The following GFRA1 variants were observed in gnomAD, a reference collection of about 807,000 sequenced individuals.
GFRA1 encodes the protein GDNF family receptor alpha-1.
A neutral mutation model predicts 51.6 loss-of-function variants in GFRA1; 16 were observed. The ratio of observed to expected loss-of-function variants is 0.31; its 90% CI spans 0.21 to 0.47. The LOEUF (loss-of-function observed/expected upper bound fraction) is 0.47, where lower values mean the gene tolerates loss of function less well. GFRA1 is among the 20% of genes least tolerant of loss of function. The pLI, the probability that GFRA1 is intolerant of heterozygous loss-of-function variation, is 1.00. For synonymous variants in GFRA1, 270 were observed against 241.3 expected (o/e 1.12, Z -1.10); for missense variants, 530 against 594.3 (o/e 0.89, Z 1.13).
At chr10:116,180,389 T>C (rs192306987) in intron 5 of GFRA1, among the ~76,000 whole-genome samples, 79 of 152,306 alleles carry the variant, frequency 5.2e-4, no homozygotes, top group Non-Finnish European at 6.2e-4. Context: ...CTGACACATA[T>C]TCCAAGAAAG....
chr10:116,109,206 G>C (rs1957106552), intron 6 of GFRA1, among the ~76,000 whole-genome samples: 1 of 152,180 alleles, frequency 6.6e-6, no homozygotes, highest in South Asian at 2.1e-4. Flanking sequence ...GCCAGAGTCA[G>C]AGCCAGGTTT....
Position 116,246,635 on chromosome 10 carries a change from G to A in GFRA1, c.418+22868C>T, listed in dbSNP as rs1282081157. On this transcript the variant is annotated intron_variant, in intron 4 of 10. Coordinates refer to ENST00000355422, the MANE Select transcript of GFRA1 (RefSeq NM_005264.8). ...TTAAAAGATATGCGTCAGCAAAAAGGACACTCAACACGGAGGCATAAGCAA... is the reference window on the plus strand; with the variant it reads ...TTAAAAGATATGCGTCAGCAAAAAGAACACTCAACACGGAGGCATAAGCAA... Among the ~76,000 whole-genome samples the A allele has an allele frequency of 2.6e-5, 4 of 152,260 alleles. 1 individual carries two copies. In the South Asian group the frequency reaches 8.3e-4, roughly 32 times the overall value.
At chr10:116,239,565 A>T (rs1308610451) in intron 4 of GFRA1, among the ~76,000 whole-genome samples, 1 of 152,244 alleles carries the variant, frequency 6.6e-6, no homozygotes, top group Non-Finnish European at 1.5e-5. Context: ...AAAGCCAGAT[A>T]AAATGGAAGA....
intron 8 of GFRA1, 42 bp downstream of exon 8, chr10:116,093,660 A>T: frequency 6.3e-7 from 1 of 1,590,620 alleles, no homozygotes. Context: ...TCGGAGAAGA[A>T]AATGCGTTTG....
At position 116,061,208 on chromosome 10, in the gene GFRA1, A is replaced by G. The variant is rs566089950; in HGVS notation, c.*3190T>C. ...CGGTGTTTGAGGAACTCGAAGACAC[A>G]ACTTCTAAGACATTCTTACTACAGC... On this transcript the variant is annotated 3_prime_UTR_variant, in exon 11 of 11. Transcript: ENST00000355422. The G allele has an allele frequency of 2.0e-5, 3 of 151,310 alleles. No homozygotes were observed. In the East Asian group the frequency reaches 6.0e-4, roughly 30 times the overall value. The allele number at this position is 151,310 out of a possible 1,614,324, so 9.4% of individuals were successfully genotyped here. A position where few individuals can be genotyped will look rare whatever the true frequency, so the allele number is the denominator to read the frequency against.
intron 5 of GFRA1, among the ~76,000 whole-genome samples, chr10:116,184,173 G>A (rs1962492442): frequency 6.6e-6 from 1 of 152,250 alleles, no homozygotes; most frequent in South Asian, 2.1e-4. Context: ...TCCCTACACT[G>A]TAAAGACTGA....
intron 5 of GFRA1, among the ~76,000 whole-genome samples, chr10:116,125,962 C>G (rs1288680485): frequency 6.6e-6 from 1 of 152,192 alleles, no homozygotes; most frequent in Non-Finnish European, 1.5e-5. Context: ...AATTGCCATA[C>G]AATCCTCCAA....
At chr10:116,217,546 G>A (rs980364911) in intron 4 of GFRA1, among the ~76,000 whole-genome samples, 2 of 152,206 alleles carry the variant, frequency 1.3e-5, no homozygotes, top group African/African-American at 4.8e-5. Flanking sequence ...ATGCCTAGGA[G>A]GACAGTCAAA....
At chr10:116,165,040 T>C (rs1044085271) in intron 5 of GFRA1, among the ~76,000 whole-genome samples, 4 of 152,224 alleles carry the variant, frequency 2.6e-5, no homozygotes, top group African/African-American at 9.6e-5. Flanking sequence ...TAACGTGTTA[T>C]TGAATTTTAG....
intron 4 of GFRA1, among the ~76,000 whole-genome samples, chr10:116,231,105 T>C (rs1184792243): frequency 6.6e-6 from 1 of 152,202 alleles, no homozygotes; most frequent in Non-Finnish European, 1.5e-5. Flanking sequence ...TGAGGGGTCA[T>C]GAACACTTCT....
chr10:116,131,269 A>C (rs1958091947), intron 5 of GFRA1, among the ~76,000 whole-genome samples: 1 of 152,250 alleles, frequency 6.6e-6, no homozygotes, highest in Admixed American at 6.5e-5. Context: ...GTTATTTAAC[A>C]AAATGTGATG....
intron 5 of GFRA1, among the ~76,000 whole-genome samples, chr10:116,163,507 C>T (rs1409786309): frequency 6.6e-6 from 1 of 152,218 alleles, no homozygotes; most frequent in African/African-American, 2.4e-5. Flanking sequence ...GTGCAAACTC[C>T]AAGCAGCATC....
At position 116,125,566 on chromosome 10, in the gene GFRA1, G is replaced by T; in HGVS notation, c.434-9C>A. ...TTTGGGAATGTGCTCCACTGCAAAT[G>T]CAGAGAAAGACAGGCATGGTCACAG... On this transcript the variant is annotated splice_polypyrimidine_tract_variant and intron_variant, in intron 5 of 10. Coordinates refer to ENST00000355422, the MANE Select transcript of GFRA1 (RefSeq NM_005264.8). The T allele has an allele frequency of 6.2e-7, 1 of 1,606,590 alleles. No homozygotes were observed. The highest frequency in any genetic ancestry group is 8.5e-7 in the Non-Finnish European group (1 of 1,174,904).
At chr10:116,187,770 G>A (rs185113005) in intron 5 of GFRA1, among the ~76,000 whole-genome samples, 154 of 152,256 alleles carry the variant, frequency 1.0e-3, no homozygotes, top group Non-Finnish European at 1.4e-3. Context: ...TGTAACTGTT[G>A]AAATCTCAAC....
chr10:116,195,429 G>A (rs890516243), intron 5 of GFRA1, among the ~76,000 whole-genome samples: 4 of 152,130 alleles, frequency 2.6e-5, no homozygotes, highest in Admixed American at 6.5e-5. Flanking sequence ...TGCAAGGGGC[G>A]GGGGTATTGC....
intron 5 of GFRA1, among the ~76,000 whole-genome samples, chr10:116,185,013 A>G (rs919960635): frequency 1.3e-5 from 2 of 152,258 alleles, no homozygotes; most frequent in Admixed American, 6.5e-5. Flanking sequence ...ATCGAAAAAT[A>G]TATTTTTTTC....
chr10:116,245,030 T>G (rs1322847848), intron 4 of GFRA1, among the ~76,000 whole-genome samples: 1 of 152,194 alleles, frequency 6.6e-6, no homozygotes, highest in Non-Finnish European at 1.5e-5. Flanking sequence ...CAACTACAGA[T>G]GCCAGCTGGC....
At chr10:116,111,183 C>G (rs558253666) in intron 6 of GFRA1, among the ~76,000 whole-genome samples, 1 of 152,190 alleles carries the variant, frequency 6.6e-6, no homozygotes, top group African/African-American at 2.4e-5. Flanking sequence ...GATTTAATTA[C>G]CTTAAAACCC....
intron 4 of GFRA1, among the ~76,000 whole-genome samples, chr10:116,267,940 AACACACACACACACACACAC>A (rs58079628): frequency 6.8e-6 from 1 of 146,392 alleles, no homozygotes; most frequent in Non-Finnish European, 1.5e-5. Context: ...CTGACAGACT[AACACACACACACACACACAC>A]ACACACACAC....
Sources: allele counts gnomAD v4.1 joint callset (sites outside exome capture counted in the v4.1 genomes callset), GRCh38; gene constraint gnomAD v4.1.1; transcripts MANE v1.5; gene names NCBI Gene and HGNC (gene_info 2026-07-23, HGNC 2026-07-21).